The following NRG4 variants were observed in gnomAD, a reference collection of about 807,000 sequenced individuals.
NRG4 encodes the protein neuregulin 4.
In NRG4, 10 loss-of-function variants were observed where a neutral mutation model predicts 15.0. The observed-to-expected ratio is 0.67, with a 90% CI of 0.41 to 1.13. NRG4 has a LOEUF of 1.13. Among genes scored for constraint, NRG4 ranks in the 50% most tolerant of loss-of-function variants. The pLI is 0.00. For missense variants in NRG4, 139 were observed against 140.2 expected (o/e 0.99, Z 0.04); for synonymous variants, 41 against 50.1 (o/e 0.82, Z 0.77).
intron 3 of NRG4, among the ~76,000 whole-genome samples, chr15:75,988,985 G>A (rs191037816): frequency 4.0e-5 from 6 of 150,752 alleles, no homozygotes; most frequent in Admixed American, 2.0e-4. Flanking sequence ...AGCCTCCCAC[G>A]TAGCTGGGAC....
chr15:75,981,737 AG>A (rs920832995), intron 3 of NRG4, among the ~76,000 whole-genome samples: 4 of 152,198 alleles, frequency 2.6e-5, no homozygotes, highest in African/African-American at 9.6e-5. Context: ...ACTGATTTTT[AG>A]GGTTGTTTTT....
upstream of NRG4, among the ~76,000 whole-genome samples, chr15:76,013,034 G>A (rs1331932311): frequency 1.3e-5 from 2 of 152,254 alleles, no homozygotes; most frequent in East Asian, 1.9e-4. Context: ...CTGTAATTTT[G>A]TTTAAATGAA....
chr15:76,040,915 ACT>A (rs1442799855), intron 4 of NRG4, among the ~76,000 whole-genome samples: 1 of 152,172 alleles, frequency 6.6e-6, no homozygotes, highest in East Asian at 1.9e-4. Flanking sequence ...ACAAAGTGAG[ACT>A]CTGTCTCAAA....
chr15:76,052,248 GAATA>G (rs936242004), intron 3 of NRG4: 9 of 149,934 alleles, frequency 6.0e-5, no homozygotes, highest in East Asian at 1.9e-4. Context: ...AAGGAAAGTA[GAATA>G]TATATGCAAA....
At chr15:76,007,740 C>G (rs1437955727) in intron 3 of NRG4, among the ~76,000 whole-genome samples, 1 of 152,106 alleles carries the variant, frequency 6.6e-6, no homozygotes. Flanking sequence ...AAATGTACTT[C>G]TTCTGATAAG....
chr15:75,944,675 A>G (rs2031350691), intron 5 of NRG4, among the ~76,000 whole-genome samples: 1 of 152,216 alleles, frequency 6.6e-6, no homozygotes, highest in South Asian at 2.1e-4. Context: ...AGCAAGTCCC[A>G]GTCTTCATAA....
At chr15:75,964,742 A>G (rs761441315) in intron 3 of NRG4, among the ~76,000 whole-genome samples, 8 of 151,690 alleles carry the variant, frequency 5.3e-5, no homozygotes, top group Admixed American at 2.0e-4. Flanking sequence ...CCTGGGCAAC[A>G]TGGTAGAGAC....
At chr15:75,943,844 ACTGAGTT>A (rs1485326455) in intron 5 of NRG4, among the ~76,000 whole-genome samples, 190 bp from the exon 6 acceptor site, 1 of 152,150 alleles carries the variant, frequency 6.6e-6, no homozygotes, top group African/African-American at 2.4e-5. Flanking sequence ...TCCTCAGAAC[ACTGAGTT>A]CTGTCAGATT....
chr15:75,966,610 C>T (rs1205364326), intron 3 of NRG4, among the ~76,000 whole-genome samples: 3 of 152,122 alleles, frequency 2.0e-5, no homozygotes, highest in Non-Finnish European at 2.9e-5. Context: ...TAAAAGACTT[C>T]GCTAACCAAA....
intron 5 of NRG4, among the ~76,000 whole-genome samples, chr15:76,030,434 G>C (rs1438561507): frequency 6.6e-6 from 1 of 152,084 alleles, no homozygotes; most frequent in African/African-American, 2.4e-5. Flanking sequence ...AAGAACCTAT[G>C]CTTCTACAGC....
intron 5 of NRG4, among the ~76,000 whole-genome samples, chr15:76,022,834 G>A (rs1272636444): frequency 1.3e-5 from 2 of 152,112 alleles, no homozygotes; most frequent in Non-Finnish European, 1.5e-5. Flanking sequence ...GGCAGTGTGG[G>A]AAACAAATTG....
At chr15:76,000,689 T>A (rs1247925008) in intron 3 of NRG4, among the ~76,000 whole-genome samples, 1 of 152,188 alleles carries the variant, frequency 6.6e-6, no homozygotes, top group African/African-American at 2.4e-5. Flanking sequence ...TATAATTGTA[T>A]AATTTCATAC....
At chr15:76,026,821 G>T (rs927604113) in intron 5 of NRG4, among the ~76,000 whole-genome samples, 1 of 152,096 alleles carries the variant, frequency 6.6e-6, no homozygotes, top group African/African-American at 2.4e-5. Context: ...TGGCCGAAAG[G>T]ATAAAAAATA....
chr15:76,023,571 C>T (rs559776206), intron 5 of NRG4, among the ~76,000 whole-genome samples: 6 of 152,276 alleles, frequency 3.9e-5, no homozygotes, highest in African/African-American at 1.2e-4. Context: ...ACAAGGTGTG[C>T]ACTCCCCAAC....
chr15:76,038,090 C>T (rs2035638791), intron 4 of NRG4, among the ~76,000 whole-genome samples: 1 of 152,134 alleles, frequency 6.6e-6, no homozygotes, highest in Admixed American at 6.5e-5. Context: ...CCCTTGAGAC[C>T]CTGAATAATC....
At chr15:75,976,059 T>G (rs1404684032) in intron 3 of NRG4, among the ~76,000 whole-genome samples, 2 of 152,196 alleles carry the variant, frequency 1.3e-5, no homozygotes, top group Non-Finnish European at 2.9e-5. Context: ...TCTCTAATCT[T>G]GTCTTCATGC....
chr15:75,972,479 C>A (rs1038759145), intron 3 of NRG4, among the ~76,000 whole-genome samples: 2 of 152,158 alleles, frequency 1.3e-5, no homozygotes, highest in Admixed American at 6.5e-5. Context: ...CCTAGGTTTT[C>A]TTCTAGGGTT....
At chr15:76,006,080 G>C (rs1435873670) in intron 3 of NRG4, among the ~76,000 whole-genome samples, 1 of 152,166 alleles carries the variant, frequency 6.6e-6, no homozygotes, top group Non-Finnish European at 1.5e-5. Context: ...CGGGAAAATT[G>C]GTTAGGGACT....
intron 3 of NRG4, among the ~76,000 whole-genome samples, chr15:75,984,794 A>T (rs2141858248): frequency 6.6e-6 from 1 of 152,340 alleles, no homozygotes; most frequent in South Asian, 2.1e-4. Flanking sequence ...AATAAAAAAA[A>T]TTGTTTAAAA....
Sources: gnomAD v4.1 joint callset for allele counts (sites outside exome capture counted in the v4.1 genomes callset) on GRCh38, gnomAD v4.1.1 for gene constraint, MANE v1.5 for transcripts, NCBI Gene and HGNC (gene_info 2026-07-23, HGNC 2026-07-21) for gene names.